The following AMPH variants were observed in gnomAD, a reference collection of about 807,000 sequenced individuals.
AMPH encodes amphiphysin (Stiff-Mann syndrome with breast cancer 128kD autoantigen).
Under a neutral mutation model 99.1 loss-of-function variants are expected in AMPH, and 49 were observed. The ratio of observed to expected loss-of-function variants is 0.49; its 90% CI spans 0.39 to 0.63. The LOEUF is 0.63. AMPH is among the 20% of genes least tolerant of loss of function. The pLI, the probability that AMPH is intolerant of heterozygous loss-of-function variation, is 0.00. For missense variants in AMPH, 759 were observed against 863.4 expected, an observed-to-expected ratio of 0.88 and a Z score of 1.52; for synonymous variants, 314 against 317.3, an observed-to-expected ratio of 0.99 and a Z score of 0.11.
At chr7:38,484,575 A>C (rs1481780651) in intron 5 of AMPH, among the ~76,000 whole-genome samples, 1 of 152,088 alleles carries the variant, frequency 6.6e-6, no homozygotes, top group Non-Finnish European at 1.5e-5. Flanking sequence ...CATTAGGCCT[A>C]CCTTATAAAA....
intron 17 of AMPH, among the ~76,000 whole-genome samples, chr7:38,402,437 T>A (rs1784864504): frequency 6.6e-6 from 1 of 152,246 alleles, no homozygotes; most frequent in South Asian, 2.1e-4. Context: ...TTTTCTCAAA[T>A]CAGGAGAAAT....
At chr7:38,400,298 G>A (rs543797600) in intron 17 of AMPH, among the ~76,000 whole-genome samples, 47 of 152,254 alleles carry the variant, frequency 3.1e-4, no homozygotes, top group African/African-American at 1.1e-3. Flanking sequence ...GGCTGGTCTT[G>A]AATTCCTGAC....
chr7:38,494,341 G>C, intron 4 of AMPH, 92 bp downstream of exon 4: 4 of 1,059,232 alleles, frequency 3.8e-6, no homozygotes, highest in Non-Finnish European at 4.4e-6. Context: ...CTTGCCTCAT[G>C]ATTAAGACTG....
chr7:38,445,499 G>A (rs1270936122), intron 11 of AMPH, among the ~76,000 whole-genome samples: 1 of 152,160 alleles, frequency 6.6e-6, no homozygotes, highest in Non-Finnish European at 1.5e-5. Context: ...CTGGGAGACA[G>A]TATTTGCAAA....
At chr7:38,404,261 G>A (rs1001981894) in intron 17 of AMPH, among the ~76,000 whole-genome samples, 2 of 151,964 alleles carry the variant, frequency 1.3e-5, no homozygotes, top group African/African-American at 4.8e-5. Flanking sequence ...TGTCACCCTT[G>A]TCAGGGCAGG....
intron 11 of AMPH, among the ~76,000 whole-genome samples, chr7:38,442,267 G>A (rs919054499): frequency 6.6e-6 from 1 of 152,052 alleles, no homozygotes; most frequent in South Asian, 2.1e-4. Flanking sequence ...ATAAAAACTT[G>A]CCCTGTTAAA....
intron 1 of AMPH, among the ~76,000 whole-genome samples, chr7:38,584,478 T>C (rs1179277135): frequency 1.3e-5 from 2 of 152,188 alleles, no homozygotes; most frequent in East Asian, 1.9e-4. Context: ...AGGTTAGTCA[T>C]TTACTACCAC....
At chr7:38,592,431 A>T (rs1168552156) in intron 1 of AMPH, among the ~76,000 whole-genome samples, 2 of 152,268 alleles carry the variant, frequency 1.3e-5, no homozygotes, top group East Asian at 1.9e-4. Flanking sequence ...CAGTGATCTC[A>T]GTTAAAATTC....
At chr7:38,509,837 C>T (rs1789472103) in intron 2 of AMPH, among the ~76,000 whole-genome samples, 1 of 152,172 alleles carries the variant, frequency 6.6e-6, no homozygotes, top group African/African-American at 2.4e-5. Context: ...GTAGCAACTC[C>T]TCCTGTGACT....
At chr7:38,559,920 C>T (rs1232412067) in intron 1 of AMPH, among the ~76,000 whole-genome samples, 2 of 152,156 alleles carry the variant, frequency 1.3e-5, no homozygotes, top group Non-Finnish European at 2.9e-5. Context: ...CTGGGATCAC[C>T]TAACCAGTCC....
chr7:38,495,766 C>T (rs910726934), intron 3 of AMPH, among the ~76,000 whole-genome samples: 1 of 152,030 alleles, frequency 6.6e-6, no homozygotes, highest in African/African-American at 2.4e-5. Flanking sequence ...ATTAGGGATA[C>T]ATTTGATATG....
intron 3 of AMPH, among the ~76,000 whole-genome samples, chr7:38,502,242 A>G (rs1011440052): frequency 2.0e-5 from 3 of 152,188 alleles, no homozygotes; most frequent in African/African-American, 7.2e-5. Flanking sequence ...CTTGCAAGTA[A>G]CCCTTATAAA....
At chr7:38,393,859 T>A in intron 18 of AMPH, 146 bp downstream of exon 18, 4 of 731,676 alleles carry the variant, frequency 5.5e-6, no homozygotes, top group South Asian at 5.3e-5. Context: ...TTTCTGAGAA[T>A]CTGATAATAA....
chr7:38,403,236 C>T (rs1262926575), intron 17 of AMPH, among the ~76,000 whole-genome samples: 1 of 152,188 alleles, frequency 6.6e-6, no homozygotes, highest in Non-Finnish European at 1.5e-5. Context: ...CTACGAGAGT[C>T]TGGCAGAGAC....
chr7:38,475,072 G>A lies in AMPH; in HGVS notation c.590+259C>T, dbSNP rs374443495. Among the ~76,000 whole-genome samples the A allele has an allele frequency of 4.1e-3, 620 of 152,284 alleles. 3 individuals carry two copies. The highest frequency in any genetic ancestry group is 0.017 in the Middle Eastern group (5 of 294). On this transcript the variant is annotated intron_variant, in intron 7 of 20. Transcript: ENST00000356264. Reference sequence around the variant, plus strand: ...CCTATATGGCAGCTACTAGCCACAGGTGGTTATTTAAATATAAATAAATTA... The same window carrying A: ...CCTATATGGCAGCTACTAGCCACAGATGGTTATTTAAATATAAATAAATTA...
chr7:38,448,077 A>T (rs767104905), intron 11 of AMPH, among the ~76,000 whole-genome samples: 8 of 152,224 alleles, frequency 5.3e-5, no homozygotes, highest in Non-Finnish European at 5.9e-5. Flanking sequence ...TGTAAAAGTC[A>T]CAATTTACAA....
intron 3 of AMPH, among the ~76,000 whole-genome samples, chr7:38,501,843 CA>C (rs1216395072): frequency 6.6e-6 from 1 of 151,924 alleles, no homozygotes; most frequent in Non-Finnish European, 1.5e-5. Context: ...GCTATCCTCC[CA>C]GCAATACATG....
chr7:38,538,979 T>C (rs1022534618), intron 1 of AMPH, among the ~76,000 whole-genome samples: 1 of 152,184 alleles, frequency 6.6e-6, no homozygotes, highest in Non-Finnish European at 1.5e-5. Flanking sequence ...AGTATGGTGG[T>C]AGTAAAGCTA....
chr7:38,586,070 A>C (rs1481325090), intron 1 of AMPH, among the ~76,000 whole-genome samples: 2 of 152,206 alleles, frequency 1.3e-5, no homozygotes, highest in African/African-American at 4.8e-5. Context: ...ATTAAATTAC[A>C]CCTAAAAGAT....
Sources: allele counts gnomAD v4.1 joint callset (sites outside exome capture counted in the v4.1 genomes callset), GRCh38; gene constraint gnomAD v4.1.1; transcripts MANE v1.5; gene names NCBI Gene and HGNC (gene_info 2026-07-23, HGNC 2026-07-21).